Variants in CEMIP observed in about 807,000 individuals in gnomAD.
The protein encoded by CEMIP is cell migration-inducing and hyaluronan-binding protein.
A neutral mutation model predicts 156.9 loss-of-function variants in CEMIP; 105 were observed. That is an observed-to-expected ratio of 0.67 (90% confidence interval 0.57 to 0.79). CEMIP has a LOEUF of 0.79. Among genes scored for constraint, CEMIP ranks in the 30% least tolerant of loss-of-function variants. The probability of loss-of-function intolerance (pLI) is 0.00; values close to 1 mark genes in which losing one functional copy is unlikely to be tolerated. For missense variants in CEMIP, 1,457 were observed against 1,769.4 expected, an observed-to-expected ratio of 0.82 and a Z score of 3.17; for synonymous variants, 676 against 668.4, an observed-to-expected ratio of 1.01 and a Z score of -0.17.
chr15:80,799,686 G>A (rs574346850), intron 1 of CEMIP, among the ~76,000 whole-genome samples: 2 of 152,188 alleles, frequency 1.3e-5, no homozygotes, highest in African/African-American at 2.4e-5. Context: ...TCCATCAATG[G>A]ATGAATGGAT....
chr15:80,813,501 A>G (rs1257201462), intron 1 of CEMIP, among the ~76,000 whole-genome samples: 2 of 151,808 alleles, frequency 1.3e-5, no homozygotes, highest in Non-Finnish European at 2.9e-5. Flanking sequence ...AGGTGCTGCC[A>G]CACCCAGCTG....
intron 10 of CEMIP, among the ~76,000 whole-genome samples, chr15:80,891,594 C>T (rs1326695529): frequency 6.6e-6 from 1 of 152,216 alleles, no homozygotes; most frequent in Non-Finnish European, 1.5e-5. Flanking sequence ...TGAAAGCATT[C>T]AGAACTCCCA....
In CEMIP at chr15:80,949,132, C is replaced by A; in HGVS notation, c.*208C>A. The A allele has an allele frequency of 1.5e-6, 1 of 651,240 alleles. No homozygotes were observed. Among genetic ancestry groups the A allele is most frequent in the Non-Finnish European group, 2.7e-6 (1 of 370,004 alleles). 40.3% of individuals were successfully genotyped at this position (651,240 alleles called of 1,614,324 possible). ...AAGTGTCTACCTGGAGCCCCTGGGG[C>A]GGTGCTGGCCAATGCTGGAAACATT... is the stretch of plus-strand genomic sequence containing the variant. On this transcript the variant is annotated 3_prime_UTR_variant, in exon 30 of 30. Coordinates refer to ENST00000394685, the MANE Select transcript of CEMIP (RefSeq NM_001293298.2).
At chr15:80,864,059 G>A (rs540189504) in intron 1 of CEMIP, among the ~76,000 whole-genome samples, 135 of 152,180 alleles carry the variant, frequency 8.9e-4, no homozygotes, top group African/African-American at 2.9e-3. Context: ...CCAGGCTGCC[G>A]CGCAGAAATG....
intron 23 of CEMIP, 108 bp downstream of exon 23, chr15:80,933,568 C>T: frequency 1.2e-6 from 1 of 838,604 alleles, no homozygotes; most frequent in Non-Finnish European, 1.8e-6. Flanking sequence ...GAAAGAGATA[C>T]AGAATTTTTT....
intron 12 of CEMIP, among the ~76,000 whole-genome samples, chr15:80,896,865 CAG>C (rs1899248665): frequency 6.6e-6 from 1 of 152,174 alleles, no homozygotes. Flanking sequence ...GGACAGGGAA[CAG>C]GGTAGCTTCT....
intron 12 of CEMIP, chr15:80,900,771 G>C: frequency 2.9e-6 from 1 of 345,498 alleles, no homozygotes; most frequent in South Asian, 2.2e-5. Context: ...CCATCTCCCT[G>C]TTGACAGGAT....
At chr15:80,796,911 A>T (rs16972377) in intron 1 of CEMIP, among the ~76,000 whole-genome samples, 2 of 151,994 alleles carry the variant, frequency 1.3e-5, no homozygotes, top group East Asian at 3.9e-4. Context: ...TGAACCTTAC[A>T]AAGTATAGTA....
At chr15:80,829,806 G>C (rs2141674744) in intron 1 of CEMIP, among the ~76,000 whole-genome samples, 1 of 152,334 alleles carries the variant, frequency 6.6e-6, no homozygotes, top group South Asian at 2.1e-4. Context: ...CCTTTAAGGA[G>C]TATTGGGTTT....
chr15:80,807,268 T>A (rs1192429167), intron 1 of CEMIP, among the ~76,000 whole-genome samples: 1 of 150,654 alleles, frequency 6.6e-6, no homozygotes, highest in Non-Finnish European at 1.5e-5. Context: ...TCTCGTTCTG[T>A]CACCAAGGCT....
At chr15:80,885,112 C>T (rs1480871928) in intron 7 of CEMIP, among the ~76,000 whole-genome samples, 1 of 152,162 alleles carries the variant, frequency 6.6e-6, no homozygotes, top group Non-Finnish European at 1.5e-5. Flanking sequence ...TGTTGTTCCC[C>T]TCCCTGTGTC....
Position 80,884,209 on chromosome 15 carries a change from C to A in CEMIP, c.652C>A (p.Arg218Ser), listed in dbSNP as rs1234631188. 2.5e-6 allele frequency: 4 copies of A among 1,614,220 alleles called. No individual in the cohort carries two copies. The South Asian group carries it at 3.3e-5, about 13-fold the overall frequency. ...CTATAGATCCAAGAAAGAGAGTGAA[C>A]GTCTGGTCCAGTATTTGAACGCGGT... ...DTYRSKKESE[R>S]LVQYLNAVPD... Residue 218 changes from arginine to serine, a missense_variant, in exon 7 of 30, where the codon CGT becomes AGT. By Grantham distance (110) the Arg-to-Ser change is moderately radical. Coordinates refer to ENST00000394685, the MANE Select transcript of CEMIP (RefSeq NM_001293298.2).
intron 1 of CEMIP, among the ~76,000 whole-genome samples, chr15:80,809,250 CA>C (rs1409502689): frequency 6.6e-6 from 1 of 152,132 alleles, no homozygotes; most frequent in African/African-American, 2.4e-5. Flanking sequence ...GGAAACCTCC[CA>C]AATGCCCAGC....
Position 80,948,913 on chromosome 15 carries a change from A to C in CEMIP, c.4075A>C (p.Lys1359Gln). Residue 1359 changes from lysine (K) to glutamine (Q), a missense_variant, in exon 30 of 30, where the codon AAG (lysine) becomes CAG (glutamine). Lys to Gln is a moderately conservative substitution (Grantham distance 53). Transcript: ENST00000394685. ...QVVPIPVVKK[K>Q]KL Reference sequence around the variant, plus strand: ...TGTGCCCATCCCTGTGGTGAAGAAGAAGAAGTTGTGAGGACAGCTGCCGCC... The same window carrying C: ...TGTGCCCATCCCTGTGGTGAAGAAGCAGAAGTTGTGAGGACAGCTGCCGCC... The C allele has an allele frequency of 6.2e-7, 1 of 1,614,200 alleles. No homozygotes were observed. Among genetic ancestry groups the C allele is most frequent in the Non-Finnish European group, 8.5e-7 (1 of 1,180,028 alleles).
intron 6 of CEMIP, among the ~76,000 whole-genome samples, chr15:80,881,636 A>G (rs922323031): frequency 2.6e-5 from 4 of 152,240 alleles, no homozygotes; most frequent in African/African-American, 7.2e-5. Context: ...AGCAGCATGC[A>G]ATCACATGGG....
intron 14 of CEMIP, among the ~76,000 whole-genome samples, chr15:80,919,842 C>T (rs976720654): frequency 2.6e-5 from 4 of 151,404 alleles, no homozygotes; most frequent in African/African-American, 9.7e-5. Context: ...CCATCCCATG[C>T]TTTGTCCCAC....
chr15:80,831,369 A>C (rs1897154065), intron 1 of CEMIP, among the ~76,000 whole-genome samples: 1 of 152,110 alleles, frequency 6.6e-6, no homozygotes, highest in African/African-American at 2.4e-5. Flanking sequence ...GCAGTGTCTA[A>C]GGTCACGTGA....
intron 21 of CEMIP, among the ~76,000 whole-genome samples, chr15:80,931,293 C>T (rs977946874): frequency 6.6e-6 from 1 of 152,188 alleles, no homozygotes. Flanking sequence ...GTGTCCTTTT[C>T]CCCTCTGTTT....
chr15:80,789,295 G>C (rs1159345026), intron 1 of CEMIP, among the ~76,000 whole-genome samples: 1 of 152,208 alleles, frequency 6.6e-6, no homozygotes, highest in Non-Finnish European at 1.5e-5. Flanking sequence ...GAGAAGACAG[G>C]AACGTGTGTC....
Sources: gnomAD v4.1 joint callset for allele counts (sites outside exome capture counted in the v4.1 genomes callset) on GRCh38, gnomAD v4.1.1 for gene constraint, MANE v1.5 for transcripts, NCBI Gene and HGNC (gene_info 2026-07-23, HGNC 2026-07-21) for gene names.